The following LRP2 variants were observed in gnomAD, a reference collection of about 807,000 sequenced individuals.
LRP2 encodes the protein low-density lipoprotein receptor-related protein 2.
In LRP2, 172 loss-of-function variants were observed where a neutral mutation model predicts 531.0. That is an observed-to-expected ratio of 0.32 (90% CI 0.29 to 0.37). The LOEUF (loss-of-function observed/expected upper bound fraction) is 0.37, where lower values mean the gene tolerates loss of function less well. Among genes scored for constraint, LRP2 ranks in the 10% least tolerant of loss-of-function variants. The pLI is 1.00. For synonymous variants in LRP2, 1,992 were observed against 2,027.6 expected, an observed-to-expected ratio of 0.98 and a Z score of 0.47; for missense variants, 5,167 against 5,868.3, an observed-to-expected ratio of 0.88 and a Z score of 3.90.
In LRP2 at chr2:169,216,604, C is replaced by A. The variant is rs193246471; in HGVS notation, c.5649-174G>T. Among the ~76,000 whole-genome samples the A allele has an allele frequency of 3.9e-5, 6 of 152,240 alleles. No individual in the cohort carries two copies. In the East Asian group the frequency reaches 7.7e-4, roughly 20 times the overall value. On this transcript the variant is annotated intron_variant, in intron 34 of 78. Coordinates refer to ENST00000649046, the MANE Select transcript of LRP2 (RefSeq NM_004525.3). The stretch of plus-strand genomic sequence containing the variant: ...GAGGGGTACTTCACCAGTGTTCTAC[C>A]AATGTCGGTATATTTCCTAGCTATA...
rs1486598660 is a variant in LRP2, at chr2:169,182,274, A to G, written c.9891T>C (p.Ser3297=). The change falls in exon 51 of 79, where the codon TCT becomes TCC. Residue 3297 remains serine, a synonymous_variant. Coordinates refer to ENST00000649046, the MANE Select transcript of LRP2 (RefSeq NM_004525.3). The stretch of plus-strand genomic sequence containing the variant: ...TGCGGCGGTGTCCACCATTGAGGTC[A>G]GAGACAAAGAGGCCATCCAGGCGGG... ...LDARLDGLFV[S]DLNGGHRRML... is the part of the protein sequence containing the mutation. 7.4e-6 allele frequency: 12 copies of G among 1,613,994 alleles called. No homozygotes were observed. The African/African-American group carries it at 1.3e-4, about 18-fold the overall frequency.
At chr2:169,189,746 G>C (rs1211255817) in intron 48 of LRP2, among the ~76,000 whole-genome samples, 2 of 152,184 alleles carry the variant, frequency 1.3e-5, no homozygotes, top group Non-Finnish European at 2.9e-5. Context: ...GGCTACTCCA[G>C]ACACAGATTT....
Position 169,175,331 on chromosome 2 carries a change from C to G in LRP2, c.10630G>C (p.Glu3544Gln). The change falls in exon 55 of 79, where the codon GAA (glutamate) becomes CAA (glutamine). Residue 3544 changes from glutamate to glutamine, a missense_variant. Glu to Gln is a conservative substitution (Grantham distance 29). Coordinates refer to ENST00000649046, the MANE Select transcript of LRP2 (RefSeq NM_004525.3). ...AAGCGCTGCGGGCAAAGGGCCAGTTCATCAGAGCCATCTGAGCAGTCTTTC... is the reference window on the plus strand; with the variant it reads ...AAGCGCTGCGGGCAAAGGGCCAGTTGATCAGAGCCATCTGAGCAGTCTTTC... ...GQKDCSDGSD[E>Q]LALCPQRFCR... The G allele has an allele frequency of 6.2e-7, 1 of 1,614,178 alleles. No homozygotes were observed. The highest frequency in any genetic ancestry group is 1.3e-5 in the African/African-American group (1 of 75,036).
chr2:169,206,324 A>C lies in LRP2; in HGVS notation c.7390+6T>G. ...GCAGGACAAGCAGCACCTGGAGTGC[A>C]CTTACCTGAAGCAATGACAGTTGGA... On this transcript the variant is annotated splice_donor_region_variant and intron_variant, in intron 39 of 78. Transcript: ENST00000649046. The C allele has an allele frequency of 6.2e-7, 1 of 1,613,964 alleles. No homozygotes were observed. Among genetic ancestry groups the C allele is most frequent in the Non-Finnish European group, 8.5e-7 (1 of 1,179,914 alleles).
In LRP2 at chr2:169,220,510, A is replaced by G. The variant is rs1270268027; in HGVS notation, c.5592T>C (p.Asp1864=). 3.1e-6 allele frequency: 5 copies of G among 1,613,636 alleles called. No homozygotes were observed. Among genetic ancestry groups the G allele is most frequent in the Non-Finnish European group, 4.2e-6 (5 of 1,179,692 alleles). The change falls in exon 34 of 79, where the codon GAT becomes GAC. Residue 1864 remains aspartate (D), a synonymous_variant. Transcript: ENST00000649046. ...GAAAGCCAACTCCAAGAGCTGTCCC[A>G]TCATTGGCAATCAATGTTTTTCTGT... The part of the protein sequence containing the change: ...IRYRKTLIAN[D]GTALGVGFPI...
intron 17 of LRP2, among the ~76,000 whole-genome samples, chr2:169,257,846 AAAC>A (rs777363168): frequency 4.9e-4 from 74 of 150,024 alleles, no homozygotes; most frequent in Non-Finnish European, 6.8e-4. Context: ...AACACAAAAA[AAAC>A]AAAAGAAAAT....
chr2:169,139,349 T>C lies in LRP2; in HGVS notation c.13290A>G (p.Thr4430=), dbSNP rs755679040. The C allele has an allele frequency of 6.2e-7, 1 of 1,614,120 alleles. No individual in the cohort carries two copies. Among genetic ancestry groups the C allele is most frequent in the Non-Finnish European group, 8.5e-7 (1 of 1,180,004 alleles). ...PGTTAVAVLL[T]ILLIVVIGAL... is the part of the protein sequence containing the mutation. ...CTCCAATTACGACGATCAAGAGGAT[T>C]GTCAACAGCACAGCTACTGCGGCTA... The change falls in exon 74 of 79, where the codon ACA becomes ACG. Residue 4430 remains threonine (T), a synonymous_variant. Transcript: ENST00000649046.
chr2:169,168,665 G>A lies in LRP2; in HGVS notation c.11509C>T (p.Pro3837Ser), dbSNP rs762539772. Residue 3837 changes from proline (P) to serine (S), a missense_variant, in exon 61 of 79, where the codon CCT (proline) becomes TCT (serine). Around this residue, in one of 6 missense-constraint regions of LRP2, gnomAD observed 564 missense variants for 747.7 expected, o/e 0.75. Coordinates refer to ENST00000649046, the MANE Select transcript of LRP2 (RefSeq NM_004525.3). ...GTAGCCTGGCAGTATGCACCATCAG[G>A]AAAGCGTGTGGCTGCCATGGGGGAA... ...SDEADCPTRF[P>S]DGAYCQATMF... 5.6e-6 allele frequency: 9 copies of A among 1,613,824 alleles called. No homozygotes were observed. The highest frequency in any genetic ancestry group is 7.6e-6 in the Non-Finnish European group (9 of 1,179,886).
intron 58 of LRP2, among the ~76,000 whole-genome samples, chr2:169,171,408 T>C (rs890259083): frequency 2.1e-4 from 32 of 152,240 alleles, no homozygotes; most frequent in African/African-American, 6.8e-4. Flanking sequence ...TAATTTGATA[T>C]GATCTCAGCC....
At chr2:169,282,576 T>A (rs755250348) in intron 10 of LRP2, among the ~76,000 whole-genome samples, 5 of 152,242 alleles carry the variant, frequency 3.3e-5, no homozygotes, top group Non-Finnish European at 7.3e-5. Flanking sequence ...AATGTAGGCA[T>A]AGCATTTATT....
chr2:169,152,711 C>T (rs976525363), intron 67 of LRP2, 88 bp downstream of exon 67: 1 of 1,476,394 alleles, frequency 6.8e-7, no homozygotes, highest in Non-Finnish European at 9.5e-7. Context: ...ATATCCAGGC[C>T]CAGACTCACT....
chr2:169,357,898 C>T (rs918225126), intron 1 of LRP2, among the ~76,000 whole-genome samples: 1 of 152,128 alleles, frequency 6.6e-6, no homozygotes, highest in African/African-American at 2.4e-5. Flanking sequence ...CTTACAGCAG[C>T]CTGCACTACA....
At position 169,165,900 on chromosome 2, in the gene LRP2, C is replaced by G. The variant is rs548846416; in HGVS notation, c.11758+32G>C. 2.9e-5 allele frequency: 47 copies of G among 1,613,400 alleles called. No homozygotes were observed. In the South Asian group the frequency reaches 4.9e-4, roughly 17 times the overall value. ...AACTGCAGACCACTTGGGGTCCTTC[C>G]TTTTTCCTTCTCCCTTTTGACTTTT... On this transcript the variant is annotated intron_variant, in intron 62 of 78. Transcript: ENST00000649046.
intron 33 of LRP2, among the ~76,000 whole-genome samples, chr2:169,224,635 T>C (rs995597022): frequency 6.6e-6 from 1 of 152,216 alleles, no homozygotes; most frequent in Non-Finnish European, 1.5e-5. Flanking sequence ...ATAGTAAAAT[T>C]CTCTGCTTAC....
At chr2:169,341,470 G>A (rs762737351) in intron 1 of LRP2, among the ~76,000 whole-genome samples, 3 of 151,828 alleles carry the variant, frequency 2.0e-5, no homozygotes, top group Non-Finnish European at 4.4e-5. Context: ...ATCTACAAAG[G>A]CATCCTAATT....
intron 2 of LRP2, among the ~76,000 whole-genome samples, chr2:169,320,083 G>A (rs963618311): frequency 6.6e-6 from 1 of 152,086 alleles, no homozygotes; most frequent in Non-Finnish European, 1.5e-5. Context: ...AAGAGCAATG[G>A]GATCTGTGCA....
intron 16 of LRP2, among the ~76,000 whole-genome samples, chr2:169,270,082 C>T (rs942638009): frequency 6.3e-4 from 96 of 152,170 alleles, no homozygotes; most frequent in African/African-American, 2.1e-3. Flanking sequence ...GTTAGAATGG[C>T]GATCATTAAA....
At chr2:169,309,266 G>C (rs993641636) in intron 3 of LRP2, among the ~76,000 whole-genome samples, 2 of 152,122 alleles carry the variant, frequency 1.3e-5, no homozygotes, top group South Asian at 4.1e-4. Flanking sequence ...TGTTACCATT[G>C]CTTTTGGTGT....
At chr2:169,142,063 C>A (rs147441140) in intron 71 of LRP2, among the ~76,000 whole-genome samples, 1 of 152,308 alleles carries the variant, frequency 6.6e-6, no homozygotes, top group Admixed American at 6.5e-5. Context: ...AATTGCAGGA[C>A]GACTTTTTCA....
Sources: allele counts gnomAD v4.1 joint callset (sites outside exome capture counted in the v4.1 genomes callset), GRCh38; gene constraint gnomAD v4.1.1; regional missense constraint gnomAD v4.1.1; transcripts MANE v1.5; gene names NCBI Gene and HGNC (gene_info 2026-07-23, HGNC 2026-07-21).